Variants in CYP46A1 observed in about 807,000 individuals in gnomAD.
The protein encoded by CYP46A1 is cytochrome P450 family 46 subfamily A member 1.
Under a neutral mutation model 63.3 loss-of-function variants are expected in CYP46A1, and 20 were observed. That is an observed-to-expected ratio of 0.32 (90% CI 0.22 to 0.46). CYP46A1 has a LOEUF of 0.46. CYP46A1 is among the 20% of genes least tolerant of loss of function. The pLI, the probability that CYP46A1 is intolerant of heterozygous loss-of-function variation, is 1.00. For missense variants in CYP46A1, 445 were observed against 670.8 expected (o/e 0.66, Z 3.72); for synonymous variants, 268 against 273.6 (o/e 0.98, Z 0.20).
intron 5 of CYP46A1, chr14:99,703,704 T>C (rs1166418567): frequency 1.0e-6 from 1 of 967,764 alleles, no homozygotes; most frequent in Non-Finnish European, 1.2e-6. Flanking sequence ...CTTCCATTCA[T>C]GTCCACCTCC....
At chr14:99,714,101 A>G (rs2056764858) in intron 7 of CYP46A1, among the ~76,000 whole-genome samples, 1 of 152,212 alleles carries the variant, frequency 6.6e-6, no homozygotes, top group Non-Finnish European at 1.5e-5. Flanking sequence ...TTCTCAAAAG[A>G]CAAATGGCCA....
chr14:99,720,042 A>G (rs7141795), intron 10 of CYP46A1, among the ~76,000 whole-genome samples: 7,305 of 151,778 alleles, frequency 0.048, 563 homozygotes, highest in African/African-American at 0.16. Flanking sequence ...GATTACAGGC[A>G]TGAGCCACCG....
intron 13 of CYP46A1, 60 bp from the exon 14 acceptor site, chr14:99,726,130 T>A: frequency 6.8e-7 from 1 of 1,463,848 alleles, no homozygotes; most frequent in South Asian, 1.1e-5. Context: ...GTCTTCCTTA[T>A]GTTGTTCCTG....
chr14:99,722,644 CGTGTGTGTGTGTGTGTGTGT>C lies in CYP46A1; in HGVS notation c.1176+594_1176+613del, dbSNP rs10600179. On this transcript the variant is annotated intron_variant, in intron 12 of 14. Coordinates refer to ENST00000261835, the MANE Select transcript of CYP46A1 (RefSeq NM_006668.2). This position sits in a 1 kb window ranked among gnomAD's most constrained non-coding sequence, Gnocchi z 4.6. ...ATCTGAATTGTGTGTTTGCCATTCC[CGTGTGTGTGTGTGTGTGTGT>C]GTGTGTGTGTGTGTGCCTGTGTGCA... Among the ~76,000 whole-genome samples, 1 of 142,160 alleles carries C rather than the reference CGTGTGTGTGTGTGTGTGTGT, an allele frequency of 7.0e-6. No homozygotes were observed. Among genetic ancestry groups the C allele is most frequent in the South Asian group, 2.4e-4 (1 of 4,148 alleles). The allele number at this position is 142,160 out of a possible 152,430, so 93.3% of individuals were successfully genotyped here.
In CYP46A1 at chr14:99,726,687, C is replaced by T. The variant is rs765421364; in HGVS notation, c.1463C>T (p.Pro488Leu). The change falls in exon 15 of 15, where the codon CCC (proline) becomes CTC (leucine). Residue 488 changes from proline (P) to leucine (L), a missense_variant. Coordinates refer to ENST00000261835, the MANE Select transcript of CYP46A1 (RefSeq NM_006668.2). ...GACCCCGTGCTGTGCACCCTGCGGC[C>T]CCGCGGCTGGCAGCCCGCACCCCCA... ...PLDPVLCTLRPRGWQPAPPPP... is the reference protein window; with the variant it reads ...PLDPVLCTLRLRGWQPAPPPP... 1.8e-5 allele frequency: 28 copies of T among 1,548,032 alleles called. No homozygotes were observed. Among genetic ancestry groups the T allele is most frequent in the Middle Eastern group, 2.1e-4 (1 of 4,768 alleles).
rs539320737 is a variant in CYP46A1 at position 99,722,133 on chromosome 14, A to G, written c.1176+67A>G. 2.0e-5 allele frequency: 25 copies of G among 1,240,560 alleles called. 1 individual carries two copies. The East Asian group carries it at 2.4e-4, about 12-fold the overall frequency. 76.8% of individuals were successfully genotyped at this position (1,240,560 alleles called of 1,614,324 possible). ...TTGCCCCAATGGTGGTGAATTTGGG[A>G]CTCACCAGGGGAGCCTGTGGCCCTG... On this transcript the variant is annotated intron_variant, in intron 12 of 14. Coordinates refer to ENST00000261835, the MANE Select transcript of CYP46A1 (RefSeq NM_006668.2). This position sits in a 1 kb window ranked among gnomAD's most constrained non-coding sequence, Gnocchi z 4.6.
intron 2 of CYP46A1, 184 bp from the exon 3 acceptor site, chr14:99,691,596 C>T (rs1184428158): frequency 1.6e-5 from 10 of 610,432 alleles, no homozygotes; most frequent in African/African-American, 1.1e-4. Flanking sequence ...GGACATGACT[C>T]GGCAAGTGAG....
rs1194670132 is a variant in CYP46A1, at chr14:99,722,676, T to TGTGTGTGTGC, written c.1176+613_1176+614insTGTGTGCGTG. Among the ~76,000 whole-genome samples the TGTGTGTGTGC allele has an allele frequency of 2.7e-5, 4 of 149,918 alleles. No homozygotes were observed. The highest frequency in any genetic ancestry group is 9.9e-5 in the African/African-American group (4 of 40,244). On this transcript the variant is annotated intron_variant, in intron 12 of 14. Coordinates refer to ENST00000261835, the MANE Select transcript of CYP46A1 (RefSeq NM_006668.2). This position sits in a 1 kb window ranked among gnomAD's most constrained non-coding sequence, Gnocchi z 4.6. ...GTGTGTGTGTGTGTGTGTGTGTGTG[T>TGTGTGTGTGC]GTGCCTGTGTGCATTCACGCAGTAA...
rs904412976 is a variant in CYP46A1, at chr14:99,722,104, C to A, written c.1176+38C>A. 5.3e-6 allele frequency: 8 copies of A among 1,513,326 alleles called. No homozygotes were observed. Among genetic ancestry groups the A allele is most frequent in the Admixed American group, 3.4e-5 (2 of 59,520 alleles). 93.7% of individuals were successfully genotyped at this position (1,513,326 alleles called of 1,614,324 possible). A position where few individuals can be genotyped will look rare whatever the true frequency, so the allele number is the denominator to read the frequency against. ...CCTGGGGGTCCTGGGGTGGGCTGGG[C>A]TGCTTGCCCCAATGGTGGTGAATTT... On this transcript the variant is annotated intron_variant, in intron 12 of 14. Transcript: ENST00000261835. The surrounding 1 kb of genome is among the most constrained non-coding windows in gnomAD (Gnocchi z 4.6).
intron 7 of CYP46A1, chr14:99,708,309 A>G (rs1028214158): frequency 1.3e-5 from 2 of 154,132 alleles, no homozygotes; most frequent in African/African-American, 5.4e-5. Flanking sequence ...ATGGTCTACC[A>G]TGACTGCTGC....
intron 11 of CYP46A1, 92 bp from the exon 12 acceptor site, chr14:99,721,864 G>A: frequency 2.0e-6 from 2 of 1,000,824 alleles, no homozygotes; most frequent in South Asian, 2.8e-5. Context: ...GCCTGTGGGT[G>A]GGAAAGACAG....
intron 3 of CYP46A1, 35 bp from the exon 4 acceptor site, chr14:99,699,431 G>A: frequency 1.3e-6 from 2 of 1,587,374 alleles, no homozygotes; most frequent in South Asian, 1.1e-5. Flanking sequence ...ACTCATGGGT[G>A]CATGAGCCTA....
intron 5 of CYP46A1, 22 bp downstream of exon 5, chr14:99,700,123 G>A (rs751708118): frequency 2.5e-5 from 39 of 1,575,062 alleles, no homozygotes; most frequent in East Asian, 1.8e-4. Flanking sequence ...CGGAGGCTCC[G>A]TGGCTCCTGC....
chr14:99,697,695 C>T (rs1057460311), intron 3 of CYP46A1, among the ~76,000 whole-genome samples: 7 of 152,144 alleles, frequency 4.6e-5, no homozygotes, highest in Non-Finnish European at 7.3e-5. Context: ...AGTGTGCCAT[C>T]GGTGTGTGTG....
chr14:99,705,586 G>A (rs929396687), intron 5 of CYP46A1, among the ~76,000 whole-genome samples: 1 of 152,154 alleles, frequency 6.6e-6, no homozygotes, highest in Non-Finnish European at 1.5e-5. Context: ...ATAAGAATAG[G>A]ACAAAGAATA....
Position 99,726,715 on chromosome 14 carries a change from A to T in CYP46A1, c.1491A>T (p.Pro497=). The change falls in exon 15 of 15, where the codon CCA becomes CCT. Residue 497 remains proline (P), a synonymous_variant. Coordinates refer to ENST00000261835, the MANE Select transcript of CYP46A1 (RefSeq NM_006668.2). Reference sequence around the variant, plus strand: ...GCGGCTGGCAGCCCGCACCCCCACCACCCCCCTGCTGAGGGGGCCTCCAGG... The same window carrying T: ...GCGGCTGGCAGCCCGCACCCCCACCTCCCCCCTGCTGAGGGGGCCTCCAGG... The part of the protein sequence containing the change: ...RPRGWQPAPP[P]PPC 6.6e-7 allele frequency: 1 copy of T among 1,509,190 alleles called. No homozygotes were observed. The highest frequency in any genetic ancestry group is 8.9e-7 in the Non-Finnish European group (1 of 1,125,896). The allele number at this position is 1,509,190 out of a possible 1,614,324, so 93.5% of individuals were successfully genotyped here.
In CYP46A1 at chr14:99,707,598, C is replaced by T. The variant is rs748771138; in HGVS notation, c.613C>T (p.Leu205=). Residue 205 remains leucine, a synonymous_variant, in exon 7 of 15, where the codon CTG becomes TTG. Transcript: ENST00000261835. ...TTTTGGGATGGAGACCAGTATGCTG[C>T]TGGGTGCCCAGAAGCCTCTGTCCCA... ...AAFGMETSML[L]GAQKPLSQAV... 17 of 1,614,118 alleles carry T rather than the reference C, an allele frequency of 1.1e-5. No individual in the cohort carries two copies. The Admixed American group carries it at 2.2e-4, about 21-fold the overall frequency.
chr14:99,691,454 T>A (rs943882), intron 2 of CYP46A1: 559,256 of 569,368 alleles, frequency 0.98, 275,267 homozygotes, highest in East Asian at 1. Context: ...GTTTGGTGTG[T>A]CACTTTTTTA....
chr14:99,695,369 T>G (rs2056578417), intron 3 of CYP46A1: 1 of 373,696 alleles, frequency 2.7e-6, no homozygotes, highest in Admixed American at 3.5e-5. Context: ...CTTGTTCTAG[T>G]GGTTGCAGGG....
Sources: gnomAD v4.1 joint callset for allele counts (sites outside exome capture counted in the v4.1 genomes callset) on GRCh38, gnomAD v4.1.1 for gene constraint, Gnocchi (gnomAD v3.1) non-coding constraint, MANE v1.5 for transcripts, NCBI Gene and HGNC (gene_info 2026-07-23, HGNC 2026-07-21) for gene names.